The following NELL1 variants were observed in gnomAD, a reference collection of about 807,000 sequenced individuals.
NELL1 encodes the protein protein kinase C-binding protein NELL1.
A neutral mutation model predicts 107.4 loss-of-function variants in NELL1; 76 were observed. The observed-to-expected ratio is 0.71, with a 90% CI of 0.59 to 0.86. The LOEUF is 0.86. NELL1 is among the 40% of genes least tolerant of loss of function. The pLI is 0.00. For missense variants in NELL1, 1,024 were observed against 1,005.5 expected, an observed-to-expected ratio of 1.02 and a Z score of -0.25; for synonymous variants, 353 against 341.2, an observed-to-expected ratio of 1.03 and a Z score of -0.38.
chr11:20,885,382 T>C, intron 4 of NELL1, 62 bp from the exon 5 acceptor site: 3 of 1,021,694 alleles, frequency 2.9e-6, no homozygotes, highest in East Asian at 2.4e-5. Flanking sequence ...TCAAACAGCA[T>C]ATGCACCTTT....
intron 12 of NELL1, among the ~76,000 whole-genome samples, chr11:21,011,386 A>C (rs1006621373): frequency 2.6e-5 from 4 of 152,148 alleles, no homozygotes; most frequent in Non-Finnish European, 5.9e-5. Flanking sequence ...AAAGGGGAGG[A>C]AGCAGGATTA....
chr11:20,839,401 C>T (rs1244214553), intron 3 of NELL1, among the ~76,000 whole-genome samples: 2 of 152,082 alleles, frequency 1.3e-5, no homozygotes, highest in African/African-American at 4.8e-5. Flanking sequence ...GTAAAAATCA[C>T]CAGGTCTAGT....
chr11:21,206,016 C>T (rs187967883), intron 13 of NELL1, among the ~76,000 whole-genome samples: 178 of 152,130 alleles, frequency 1.2e-3, no homozygotes, highest in Middle Eastern at 6.8e-3. Context: ...ACTGTCCTCT[C>T]GGTACTTTAT....
At chr11:20,679,143 G>A (rs951568652) in intron 2 of NELL1, among the ~76,000 whole-genome samples, 5 of 152,148 alleles carry the variant, frequency 3.3e-5, no homozygotes, top group African/African-American at 1.2e-4. Context: ...GTGTACTGAT[G>A]ATTTATGGTC....
At chr11:20,998,199 G>A (rs1852134165) in intron 12 of NELL1, among the ~76,000 whole-genome samples, 1 of 152,012 alleles carries the variant, frequency 6.6e-6, no homozygotes, top group East Asian at 1.9e-4. Context: ...GTATATATGT[G>A]TATTTTCATT....
rs562818067 is a variant in NELL1 at position 21,481,570 on chromosome 11, C to G, written c.1646-52804C>G. ...AGAGCACAAGTAAATGAAACAGATT[C>G]CTATTGCTGATGAGAATAGATATTA... is the stretch of plus-strand genomic sequence containing the variant. On this transcript the variant is annotated intron_variant, in intron 15 of 19. Coordinates refer to ENST00000357134, the MANE Select transcript of NELL1 (RefSeq NM_006157.5). Among the ~76,000 whole-genome samples the G allele has an allele frequency of 2.6e-5, 4 of 152,300 alleles. No homozygotes were observed. The South Asian group carries it at 6.2e-4, about 24-fold the overall frequency.
At chr11:21,046,684 A>ATTTT (rs1271461082) in intron 12 of NELL1, among the ~76,000 whole-genome samples, 2 of 96,126 alleles carry the variant, frequency 2.1e-5, no homozygotes, top group African/African-American at 1.4e-4. Flanking sequence ...TCAATTATTT[A>ATTTT]TTTATTTATT....
chr11:21,324,360 C>A (rs1307242665), intron 14 of NELL1, among the ~76,000 whole-genome samples: 3 of 151,982 alleles, frequency 2.0e-5, no homozygotes, highest in African/African-American at 7.2e-5. Context: ...TTAAGTGTTT[C>A]AAAAATTATT....
rs1487075730 is a variant in NELL1 at position 21,451,193 on chromosome 11, AAAAAAAAAAG to A, written c.1645+80255_1645+80264del. ...CAGAGATAGACTCCGTCTAAAAAAA[AAAAAAAAAAG>A]AAAAAAAAAAGAAAAAAGAAAAAGA... On this transcript the variant is annotated intron_variant, in intron 15 of 19. Transcript: ENST00000357134. Among the ~76,000 whole-genome samples the A allele has an allele frequency of 2.3e-3, 327 of 140,534 alleles. 2 individuals carry two copies. Among genetic ancestry groups the A allele is most frequent in the East Asian group, 0.016 (84 of 5,142 alleles). 92.2% of individuals were successfully genotyped at this position (140,534 alleles called of 152,430 possible).
At chr11:21,174,434 G>T (rs548092155) in intron 13 of NELL1, among the ~76,000 whole-genome samples, 1 of 151,916 alleles carries the variant, frequency 6.6e-6, no homozygotes, top group African/African-American at 2.4e-5. Context: ...TAACTAAAAA[G>T]GAGCTATTGA....
Position 21,351,142 on chromosome 11 carries a change from G to A in NELL1, c.1550-19711G>A, listed in dbSNP as rs145144853. Among the ~76,000 whole-genome samples the A allele has an allele frequency of 1.9e-3, 282 of 152,264 alleles. 2 individuals carry two copies. The highest frequency in any genetic ancestry group is 4.1e-3 in the African/African-American group (169 of 41,562). ...AGAGATTGGAGTTATAATGCTACAAGCCAAGGAATATCAAGAACTGCTAGC... is the reference window on the plus strand; with the variant it reads ...AGAGATTGGAGTTATAATGCTACAAACCAAGGAATATCAAGAACTGCTAGC... On this transcript the variant is annotated intron_variant, in intron 14 of 19. Coordinates refer to ENST00000357134, the MANE Select transcript of NELL1 (RefSeq NM_006157.5).
chr11:20,807,057 T>C (rs918174612), intron 3 of NELL1, among the ~76,000 whole-genome samples: 6 of 151,952 alleles, frequency 3.9e-5, no homozygotes, highest in Admixed American at 1.3e-4. Flanking sequence ...TTATTTAGTT[T>C]TTTTTTTTTT....
At chr11:21,393,899 T>C (rs1321925085) in intron 15 of NELL1, among the ~76,000 whole-genome samples, 1 of 151,732 alleles carries the variant, frequency 6.6e-6, no homozygotes, top group Non-Finnish European at 1.5e-5. Context: ...CCTTTGACTA[T>C]GGGAAGTCCT....
chr11:20,836,354 T>G (rs1179344458), intron 3 of NELL1, among the ~76,000 whole-genome samples: 3 of 151,406 alleles, frequency 2.0e-5, no homozygotes, highest in African/African-American at 7.3e-5. Flanking sequence ...CTGGTCTGAG[T>G]GTAATGTAGT....
At chr11:21,416,872 G>T (rs1442296270) in intron 15 of NELL1, among the ~76,000 whole-genome samples, 2 of 152,008 alleles carry the variant, frequency 1.3e-5, no homozygotes, top group African/African-American at 4.8e-5. Context: ...GAAAACAATT[G>T]GGTAAATTGA....
At chr11:21,091,584 A>G (rs1409976324) in intron 12 of NELL1, among the ~76,000 whole-genome samples, 1 of 152,180 alleles carries the variant, frequency 6.6e-6, no homozygotes, top group Admixed American at 6.5e-5. Context: ...ATTTTAATAT[A>G]TAACATATTC....
At chr11:21,543,283 C>A (rs1856339878) in intron 16 of NELL1, among the ~76,000 whole-genome samples, 2 of 152,024 alleles carry the variant, frequency 1.3e-5, no homozygotes, top group African/African-American at 4.8e-5. Context: ...GTACTAAATT[C>A]TGTATTATTG....
chr11:20,878,087 G>T (rs958618223), intron 4 of NELL1, among the ~76,000 whole-genome samples: 1 of 152,140 alleles, frequency 6.6e-6, no homozygotes, highest in Non-Finnish European at 1.5e-5. Context: ...TGGGCCGGGC[G>T]CGGTGGCTCA....
Position 21,170,809 on chromosome 11 carries a change from G to A in NELL1, c.1426+57095G>A, listed in dbSNP as rs72936436. ...TATCTATATATGACTGCATTTCATG[G>A]CACTTGACTCCATTTTCTTGGCTTG... is the stretch of plus-strand genomic sequence containing the variant. On this transcript the variant is annotated intron_variant, in intron 13 of 19. Transcript: ENST00000357134. Among the ~76,000 whole-genome samples, 27 of 151,112 alleles carry A rather than the reference G, an allele frequency of 1.8e-4. 1 individual carries two copies. Among genetic ancestry groups the A allele is most frequent in the Non-Finnish European group, 3.2e-4 (22 of 67,910 alleles).
Sources: gnomAD v4.1 joint callset for allele counts (sites outside exome capture counted in the v4.1 genomes callset) on GRCh38, gnomAD v4.1.1 for gene constraint, MANE v1.5 for transcripts, NCBI Gene and HGNC (gene_info 2026-07-23, HGNC 2026-07-21) for gene names.